OSBPL9: variants seen among roughly 807,000 people sequenced by gnomAD.
The protein encoded by OSBPL9 is oxysterol binding protein like 9, also known as oxysterol-binding protein-related protein 9.
A neutral mutation model predicts 106.6 loss-of-function variants in OSBPL9; 40 were observed. That is an observed-to-expected ratio of 0.38 (90% CI 0.29 to 0.49). The LOEUF (loss-of-function observed/expected upper bound fraction) is 0.49. OSBPL9 is among the 20% of genes least tolerant of loss of function. The pLI is 0.97. For missense variants in OSBPL9, 609 were observed against 887.2 expected (o/e 0.69, Z 3.98); for synonymous variants, 269 against 295.4 (o/e 0.91, Z 0.92).
chr1:51,549,819 CA>C, the OSBPL9 span, among the ~76,000 whole-genome samples: 1 of 152,170 alleles, frequency 6.6e-6, no homozygotes, highest in South Asian at 2.1e-4. Context: ...GGCAACAGAG[CA>C]AGACTCTGTC....
chr1:51,632,610 G>GCATAGGCCTTTGTAAATTACAGTGAT (rs1645176412), intron 1 of OSBPL9, among the ~76,000 whole-genome samples: 1 of 117,292 alleles, frequency 8.5e-6, no homozygotes. Flanking sequence ...CTATTATAAT[G>GCATAGGCCTTTGTAAATTACAGTGAT]CTAGGTTAAG....
chr1:51,710,164 A>C (rs1571235864), intron 3 of OSBPL9, among the ~76,000 whole-genome samples: 1 of 152,260 alleles, frequency 6.6e-6, no homozygotes, highest in African/African-American at 2.4e-5. Context: ...TGGGAAAATC[A>C]TGACGTCATT....
At chr1:51,714,606 C>T (rs1437724711) in intron 4 of OSBPL9, among the ~76,000 whole-genome samples, 4 of 152,146 alleles carry the variant, frequency 2.6e-5, no homozygotes, top group African/African-American at 9.7e-5. Context: ...TCAGATCTCC[C>T]ATCTCTATTT....
At chr1:51,564,173 A>G in the OSBPL9 span, among the ~76,000 whole-genome samples, 1 of 151,558 alleles carries the variant, frequency 6.6e-6, no homozygotes, top group African/African-American at 2.4e-5. Flanking sequence ...GCCCCCTCCC[A>G]TCATCATCTA....
intron 3 of OSBPL9, among the ~76,000 whole-genome samples, chr1:51,691,494 C>G (rs1391504661): frequency 1.3e-5 from 2 of 151,652 alleles, no homozygotes; most frequent in African/African-American, 2.4e-5. Flanking sequence ...TAATGTACAC[C>G]TAAGGCTGGT....
intron 2 of OSBPL9, among the ~76,000 whole-genome samples, chr1:51,601,516 CT>C (rs1032448995): frequency 2.3e-4 from 35 of 152,366 alleles, no homozygotes; most frequent in African/African-American, 8.2e-4. Context: ...CCCATCACAT[CT>C]GGAAGATGCA....
rs778153668 is a variant in OSBPL9, at chr1:51,669,499, C to T, written c.228C>T (p.Thr76=). The T allele has an allele frequency of 2.7e-5, 43 of 1,613,842 alleles. No homozygotes were observed. Among genetic ancestry groups the T allele is most frequent in the Non-Finnish European group, 3.2e-5 (38 of 1,179,928 alleles). The change falls in exon 3 of 24, where the codon ACC becomes ACT. Residue 76 remains threonine, a synonymous_variant. Coordinates refer to ENST00000428468, the MANE Select transcript of OSBPL9 (RefSeq NM_024586.6). The stretch of plus-strand genomic sequence containing the variant: ...TCACAATAACTGTTGATCAGAAAAC[C>T]TTCCATTTCCAGGGTGAGCTGAAAG... ...STFTITVDQK[T]FHFQARDADE... is the part of the protein sequence containing the mutation.
chr1:51,639,491 G>A (rs536861035), intron 1 of OSBPL9, among the ~76,000 whole-genome samples: 2 of 152,164 alleles, frequency 1.3e-5, no homozygotes, highest in Non-Finnish European at 2.9e-5. Flanking sequence ...TCTTTGCAAA[G>A]TACAGTGTAG....
At chr1:51,619,232 A>C (rs998447859) in intron 1 of OSBPL9, among the ~76,000 whole-genome samples, 1 of 152,200 alleles carries the variant, frequency 6.6e-6, no homozygotes, top group African/African-American at 2.4e-5. Context: ...CTATGCAGTT[A>C]AGTTACTTTA....
chr1:51,745,364 G>T, intron 4 of OSBPL9, 172 bp from the exon 5 acceptor site: 1 of 868,130 alleles, frequency 1.2e-6, no homozygotes, highest in Non-Finnish European at 1.6e-6. Flanking sequence ...GAGGAAGATT[G>T]ATGTACCACT....
chr1:51,781,014 C>A, intron 15 of OSBPL9, 150 bp from the exon 16 acceptor site: 2 of 611,884 alleles, frequency 3.3e-6, no homozygotes, highest in Non-Finnish European at 2.9e-6. Flanking sequence ...ATATATTATA[C>A]TCAATTTTAA....
chr1:51,722,456 C>G (rs1022771893), intron 4 of OSBPL9, among the ~76,000 whole-genome samples: 1 of 152,160 alleles, frequency 6.6e-6, no homozygotes, highest in Non-Finnish European at 1.5e-5. Context: ...TTTCCTACTT[C>G]CCAGACTCAC....
At chr1:51,684,166 A>G (rs143334738) in intron 3 of OSBPL9, among the ~76,000 whole-genome samples, 8 of 152,040 alleles carry the variant, frequency 5.3e-5, no homozygotes, top group Non-Finnish European at 1.0e-4. Context: ...CCCATGCCCA[A>G]CTAATTTATT....
chr1:51,570,164 G>A, the OSBPL9 span, among the ~76,000 whole-genome samples: 1 of 152,182 alleles, frequency 6.6e-6, no homozygotes, highest in South Asian at 2.1e-4. Flanking sequence ...AAATGCTGTG[G>A]TAGAAAGAGC....
chr1:51,720,791 A>AT (rs1661965655), intron 4 of OSBPL9, among the ~76,000 whole-genome samples: 2 of 141,124 alleles, frequency 1.4e-5, no homozygotes, highest in Non-Finnish European at 3.1e-5. Flanking sequence ...ATCAAATTGG[A>AT]ATTTTTTTTT....
Position 51,756,231 on chromosome 1 carries a change from C to T in OSBPL9, c.544-89C>T. 9 of 1,051,312 alleles carry T rather than the reference C, an allele frequency of 8.6e-6. No individual in the cohort carries two copies. In the South Asian group the frequency reaches 1.2e-4, roughly 14 times the overall value. The allele number at this position is 1,051,312 out of a possible 1,614,324, so 65.1% of individuals were successfully genotyped here. The stretch of plus-strand genomic sequence containing the variant: ...ATCATGTTCTAACATTATTACTTAC[C>T]TAGTAAATAAGCTTTCTTGTAGGAG... On this transcript the variant is annotated intron_variant, in intron 8 of 23. Transcript: ENST00000428468.
rs899750345 is a variant in OSBPL9, at chr1:51,684,892, T to C, written c.241+15380T>C. Among the ~76,000 whole-genome samples the C allele has an allele frequency of 2.0e-5, 3 of 151,230 alleles. No individual in the cohort carries two copies. The East Asian group carries it at 5.8e-4, about 29-fold the overall frequency. ...AGGATACAAAATATATTCAAATAGT[T>C]GCCTGAACACTGCTCTTCTTCTTTT... On this transcript the variant is annotated intron_variant, in intron 3 of 23. Coordinates refer to ENST00000428468, the MANE Select transcript of OSBPL9 (RefSeq NM_024586.6).
At chr1:51,731,914 C>T (rs560845694) in intron 4 of OSBPL9, among the ~76,000 whole-genome samples, 4 of 152,096 alleles carry the variant, frequency 2.6e-5, no homozygotes, top group African/African-American at 9.7e-5. Context: ...ACAGAGATGA[C>T]GATGAATTTG....
At chr1:51,676,626 T>G (rs1179193910) in intron 3 of OSBPL9, among the ~76,000 whole-genome samples, 3 of 132,250 alleles carry the variant, frequency 2.3e-5, no homozygotes, top group African/African-American at 8.9e-5. Flanking sequence ...GCCACTGCAC[T>G]CCAGCCTGGC....
Sources: allele counts gnomAD v4.1 joint callset (sites outside exome capture counted in the v4.1 genomes callset), GRCh38; gene constraint gnomAD v4.1.1; transcripts MANE v1.5; gene names NCBI Gene and HGNC (gene_info 2026-07-23, HGNC 2026-07-21).